Variants in PPP6R2 observed in about 807,000 individuals in gnomAD.
The protein encoded by PPP6R2 is protein phosphatase 6 regulatory subunit 2, also known as serine/threonine-protein phosphatase 6 regulatory subunit 2.
In PPP6R2, 62 loss-of-function variants were observed where a neutral mutation model predicts 100.2. The ratio of observed to expected loss-of-function variants is 0.62; its 90% confidence interval spans 0.50 to 0.76. The LOEUF is 0.76. PPP6R2 is among the 30% of genes least tolerant of loss of function. The pLI is 0.00. For synonymous variants in PPP6R2, 525 were observed against 514.7 expected (o/e 1.02, Z -0.27); for missense variants, 1,142 against 1,276.3 (o/e 0.89, Z 1.60).
At chr22:50,432,404 G>A in intron 12 of PPP6R2, 75 bp downstream of exon 12, 1 of 1,369,364 alleles carries the variant, frequency 7.3e-7, no homozygotes, top group East Asian at 2.5e-5. Context: ...CCCAAGCCCT[G>A]GTGACGCTGC....
At chr22:50,375,341 G>T (rs1233950686) in intron 2 of PPP6R2, among the ~76,000 whole-genome samples, 1 of 152,098 alleles carries the variant, frequency 6.6e-6, no homozygotes, top group African/African-American at 2.4e-5. Context: ...TGAAAATAAC[G>T]CAGAAAGGTA....
intron 1 of PPP6R2, among the ~76,000 whole-genome samples, chr22:50,346,515 C>G (rs916992142): frequency 3.0e-5 from 4 of 135,074 alleles, no homozygotes; most frequent in Non-Finnish European, 6.4e-5. Context: ...CAGTGCCCCC[C>G]CAGTCAGTGC....
At chr22:50,438,500 C>G in intron 18 of PPP6R2, 99 bp from the exon 19 acceptor site, 1 of 1,473,380 alleles carries the variant, frequency 6.8e-7, no homozygotes, top group South Asian at 1.3e-5. Flanking sequence ...TCGAGACGAT[C>G]TGTGCTCACC....
intron 13 of PPP6R2, among the ~76,000 whole-genome samples, chr22:50,435,342 G>A (rs1456089696): frequency 2.6e-5 from 4 of 152,226 alleles, no homozygotes; most frequent in African/African-American, 4.8e-5. Flanking sequence ...AGTCCCTCCC[G>A]GGGTAGTTGG....
At chr22:50,437,438 G>T in intron 15 of PPP6R2, 68 bp from the exon 16 acceptor site, 1 of 1,121,796 alleles carries the variant, frequency 8.9e-7, no homozygotes, top group Non-Finnish European at 1.3e-6. Flanking sequence ...CCAAAGAGCA[G>T]CCTCCAGGCC....
the PPP6R2 span, among the ~76,000 whole-genome samples, chr22:50,333,591 C>T: frequency 2.9e-4 from 44 of 152,164 alleles, 1 homozygote; most frequent in Admixed American, 2.6e-3. Flanking sequence ...CTCGGCCTCC[C>T]AAAGTGCTGG....
intron 10 of PPP6R2, among the ~76,000 whole-genome samples, chr22:50,428,009 C>T (rs1035604886): frequency 6.6e-6 from 1 of 151,158 alleles, no homozygotes; most frequent in African/African-American, 2.4e-5. Context: ...CGTGAGCCAC[C>T]ACGCCCAGCC....
chr22:50,388,850 GA>G (rs1237588433), intron 2 of PPP6R2: 2 of 149,606 alleles, frequency 1.3e-5, no homozygotes, highest in Non-Finnish European at 3.0e-5. Flanking sequence ...CCAGCGTGGG[GA>G]CAGAGTGAGA....
chr22:50,347,920 G>C (rs990785640), intron 1 of PPP6R2, among the ~76,000 whole-genome samples: 2 of 152,072 alleles, frequency 1.3e-5, no homozygotes, highest in African/African-American at 4.8e-5. Context: ...AAAATGTTGT[G>C]GGTACACAAT....
At chr22:50,340,441 GGTATGTGGT>G (rs1442425528), upstream of PPP6R2, among the ~76,000 whole-genome samples, 1 of 137,044 alleles carries the variant, frequency 7.3e-6, no homozygotes, top group African/African-American at 2.8e-5. Context: ...TGGTGTGTGT[GGTATGTGGT>G]GTGTGTGTGG....
At chr22:50,338,048 GGTGTGATGTGTGTGGTGT>G in the PPP6R2 span, among the ~76,000 whole-genome samples, 3 of 137,014 alleles carry the variant, frequency 2.2e-5, no homozygotes, top group Non-Finnish European at 4.7e-5. Flanking sequence ...GTGTATGTGT[GGTGTGATGTGTGTGGTGT>G]GTGTGGTGTG....
At chr22:50,419,012 C>CGTGGTGCTGGTGGGCCGTGG (rs773498613) in intron 7 of PPP6R2, 33 bp downstream of exon 7, 2 of 1,545,576 alleles carry the variant, frequency 1.3e-6, no homozygotes, top group South Asian at 2.2e-5. Flanking sequence ...GCTGGTGGGC[C>CGTGGTGCTGGTGGGCCGTGG]TCCCTTTCTG....
chr22:50,382,587 A>T (rs1257512299), intron 2 of PPP6R2, among the ~76,000 whole-genome samples: 4 of 152,182 alleles, frequency 2.6e-5, no homozygotes, highest in Admixed American at 6.6e-5. Flanking sequence ...TGAAGTTAAA[A>T]AGTAGAATTA....
chr22:50,408,204 A>T (rs2059246005), intron 4 of PPP6R2, among the ~76,000 whole-genome samples: 1 of 152,220 alleles, frequency 6.6e-6, no homozygotes, highest in Non-Finnish European at 1.5e-5. Flanking sequence ...TCTAAAATAA[A>T]GACTTTTTTC....
At chr22:50,414,468 A>G in intron 4 of PPP6R2, 84 bp from the exon 5 acceptor site, 1 of 1,486,374 alleles carries the variant, frequency 6.7e-7, no homozygotes. Context: ...TACTAGTTCA[A>G]CTTTCCCATG....
chr22:50,408,366 C>T (rs1256693901), intron 4 of PPP6R2, among the ~76,000 whole-genome samples: 2 of 152,202 alleles, frequency 1.3e-5, no homozygotes, highest in Non-Finnish European at 2.9e-5. Flanking sequence ...CGCGGTTCCC[C>T]TTGACGACAT....
At position 50,437,082 on chromosome 22, in the gene PPP6R2, C is replaced by T. The variant is rs1181137495; in HGVS notation, c.1683+14C>T. The T allele has an allele frequency of 9.0e-6, 14 of 1,553,180 alleles. No homozygotes were observed. The highest frequency in any genetic ancestry group is 2.1e-4 in the Middle Eastern group (1 of 4,800). On this transcript the variant is annotated intron_variant, in intron 15 of 23. Coordinates refer to ENST00000612753, the MANE Select transcript of PPP6R2 (RefSeq NM_001242898.2). ...TCCCTTCAGCAGGTGAGGGCGTGGC[C>T]GGCACCTGCACCCTGCCGGGCCCTT...
intron 1 of PPP6R2, among the ~76,000 whole-genome samples, chr22:50,352,919 C>G (rs1176339853): frequency 2.6e-5 from 4 of 151,994 alleles, no homozygotes; most frequent in African/African-American, 9.7e-5. Context: ...AAAAGTTTAG[C>G]TGAATGTGGT....
chr22:50,441,905 G>C (rs1239964969), intron 22 of PPP6R2, among the ~76,000 whole-genome samples: 1 of 152,186 alleles, frequency 6.6e-6, no homozygotes, highest in African/African-American at 2.4e-5. Context: ...GGGAGGGTAG[G>C]ACTGGGCTTG....
Sources: gnomAD v4.1 joint callset for allele counts (sites outside exome capture counted in the v4.1 genomes callset) on GRCh38, gnomAD v4.1.1 for gene constraint, MANE v1.5 for transcripts, NCBI Gene and HGNC (gene_info 2026-07-23, HGNC 2026-07-21) for gene names.